Variants in COL25A1 observed in about 807,000 individuals in gnomAD.
COL25A1 encodes the protein collagen alpha-1(XXV) chain.
Under a neutral mutation model 128.4 loss-of-function variants are expected in COL25A1, and 103 were observed. The observed-to-expected ratio is 0.80, with a 90% CI of 0.68 to 0.94. The LOEUF (loss-of-function observed/expected upper bound fraction) is 0.94, where lower values mean the gene tolerates loss of function less well. COL25A1 is among the 40% of genes least tolerant of loss of function. COL25A1 has a pLI of 0.00. For synonymous variants in COL25A1, 279 were observed against 277.2 expected (o/e 1.01, Z -0.06); for missense variants, 745 against 840.0 (o/e 0.89, Z 1.40).
chr4:109,206,597 G>A (rs1023234670), intron 3 of COL25A1, among the ~76,000 whole-genome samples: 2 of 152,106 alleles, frequency 1.3e-5, no homozygotes, highest in African/African-American at 2.4e-5. Context: ...AACACTTTTC[G>A]ATTAATTAGG....
chr4:108,915,992 A>G (rs1229247704), intron 13 of COL25A1, among the ~76,000 whole-genome samples: 3 of 152,224 alleles, frequency 2.0e-5, no homozygotes, highest in African/African-American at 7.2e-5. Context: ...CATGTGCTCT[A>G]AGTATGTAAA....
chr4:109,168,627 A>G (rs1442703778), intron 3 of COL25A1, among the ~76,000 whole-genome samples: 1 of 152,158 alleles, frequency 6.6e-6, no homozygotes, highest in Non-Finnish European at 1.5e-5. Context: ...ATTGACATAT[A>G]TGACTCTCAG....
intron 24 of COL25A1, among the ~76,000 whole-genome samples, chr4:108,853,450 C>A (rs186673583): frequency 1.3e-5 from 2 of 151,376 alleles, no homozygotes; most frequent in East Asian, 3.9e-4. Context: ...ATCTAATTTC[C>A]TTTTTTTTGG....
At chr4:108,887,211 G>A (rs2125840894) in intron 18 of COL25A1, among the ~76,000 whole-genome samples, 1 of 152,212 alleles carries the variant, frequency 6.6e-6, no homozygotes. Flanking sequence ...ACGGTGGAAA[G>A]CTAACTGATG....
chr4:109,126,624 T>C (rs1361482854), intron 3 of COL25A1, among the ~76,000 whole-genome samples: 2 of 152,214 alleles, frequency 1.3e-5, no homozygotes, highest in African/African-American at 2.4e-5. Context: ...ACAATGTCTA[T>C]TGTATTTATT....
chr4:108,928,173 C>G (rs942147272), intron 11 of COL25A1, among the ~76,000 whole-genome samples: 15 of 152,218 alleles, frequency 9.9e-5, no homozygotes, highest in African/African-American at 3.6e-4. Context: ...TCACCCTACA[C>G]TACACTCAGT....
At position 108,982,299 on chromosome 4, in the gene COL25A1, G is replaced by A. The variant is rs142217263; in HGVS notation, c.439-7740C>T. 1.1e-3 allele frequency among the ~76,000 whole-genome samples: 163 copies of A among 152,238 alleles called. 1 individual carries two copies. The highest frequency in any genetic ancestry group is 3.8e-3 in the African/African-American group (156 of 41,550). On this transcript the variant is annotated intron_variant, in intron 6 of 37. Transcript: ENST00000399132. ...CCTGGGGGGACGGTGGAAATATTTC[G>A]AGAATAGGAAGGTCTAATATAGTCT...
At chr4:109,195,145 T>A (rs1459982050) in intron 3 of COL25A1, among the ~76,000 whole-genome samples, 1 of 152,012 alleles carries the variant, frequency 6.6e-6, no homozygotes, top group Admixed American at 6.6e-5. Context: ...ACAAAAACAA[T>A]TGATGTGCAC....
intron 3 of COL25A1, among the ~76,000 whole-genome samples, chr4:109,261,818 C>T (rs1781468958): frequency 1.3e-5 from 2 of 151,814 alleles, no homozygotes; most frequent in Admixed American, 1.3e-4. Context: ...CTGCCTCAGC[C>T]ACCCGAGTAG....
chr4:108,919,541 A>G (rs1745255809), intron 12 of COL25A1, among the ~76,000 whole-genome samples: 1 of 152,128 alleles, frequency 6.6e-6, no homozygotes, highest in Non-Finnish European at 1.5e-5. Context: ...GATTCCAAAG[A>G]TAAAGAATAA....
intron 5 of COL25A1, among the ~76,000 whole-genome samples, chr4:109,028,255 C>T (rs745448734): frequency 7.2e-5 from 11 of 152,150 alleles, no homozygotes; most frequent in Non-Finnish European, 1.2e-4. Context: ...ACTACAGCCA[C>T]GTACCACCAC....
At chr4:109,210,760 CCT>C (rs1777429668) in intron 3 of COL25A1, among the ~76,000 whole-genome samples, 1 of 152,050 alleles carries the variant, frequency 6.6e-6, no homozygotes. Flanking sequence ...AGCTGTTTCC[CCT>C]GTTCCTGGAT....
chr4:108,845,278 A>C, intron 28 of COL25A1, 27 bp from the exon 29 acceptor site: 1 of 1,584,164 alleles, frequency 6.3e-7, no homozygotes, highest in African/African-American at 1.3e-5. Context: ...AGCAGAGTTA[A>C]GCAGGTAAAG....
At chr4:109,019,471 A>T (rs35913557) in intron 5 of COL25A1, among the ~76,000 whole-genome samples, 1 of 149,474 alleles carries the variant, frequency 6.7e-6, no homozygotes, top group Non-Finnish European at 1.5e-5. Flanking sequence ...AAAGAAAAAA[A>T]GTTTAATCAG....
intron 3 of COL25A1, among the ~76,000 whole-genome samples, chr4:109,091,608 A>G (rs1764917385): frequency 1.3e-5 from 2 of 152,156 alleles, no homozygotes; most frequent in South Asian, 4.1e-4. Flanking sequence ...AGAGTTCTCA[A>G]GAGCATATAT....
At chr4:108,830,602 G>A (rs970440776) in intron 32 of COL25A1, among the ~76,000 whole-genome samples, 1 of 152,222 alleles carries the variant, frequency 6.6e-6, no homozygotes, top group African/African-American at 2.4e-5. Context: ...AACATGCTGA[G>A]TAAATACAAG....
intron 3 of COL25A1, among the ~76,000 whole-genome samples, chr4:109,082,843 T>C (rs537485306): frequency 4.0e-4 from 61 of 152,280 alleles, no homozygotes; most frequent in Non-Finnish European, 6.9e-4. Context: ...TGGGGGTTTG[T>C]TGTACAGATT....
chr4:109,215,335 T>G (rs915780394), intron 3 of COL25A1, among the ~76,000 whole-genome samples: 16 of 152,180 alleles, frequency 1.1e-4, no homozygotes, highest in African/African-American at 3.4e-4. Context: ...TATACCAGCT[T>G]TCATGACTCA....
At chr4:108,970,793 C>A (rs143919981) in intron 8 of COL25A1, among the ~76,000 whole-genome samples, 2,414 of 152,244 alleles carry the variant, frequency 0.016, 31 homozygotes, top group Non-Finnish European at 0.022. Context: ...TAAGTGAGAT[C>A]ATGCAGTTAT....
Sources: allele counts gnomAD v4.1 joint callset (sites outside exome capture counted in the v4.1 genomes callset), GRCh38; gene constraint gnomAD v4.1.1; transcripts MANE v1.5; gene names NCBI Gene and HGNC (gene_info 2026-07-23, HGNC 2026-07-21).